CATSPERB: variants seen among roughly 807,000 people sequenced by gnomAD.
CATSPERB encodes catsper channel auxiliary subunit beta.
CATSPERB carries 93 observed loss-of-function variants against 128.3 expected under a neutral mutation model. The ratio of observed to expected loss-of-function variants is 0.72; its 90% confidence interval spans 0.61 to 0.86. CATSPERB has a LOEUF of 0.86. CATSPERB is among the 40% of genes least tolerant of loss of function. The pLI is 0.00. For missense variants in CATSPERB, 1,153 were observed against 1,329.5 expected (o/e 0.87, Z 2.06); for synonymous variants, 381 against 448.8 (o/e 0.85, Z 1.91).
intron 22 of CATSPERB, among the ~76,000 whole-genome samples, chr14:91,600,193 A>T (rs189123383): frequency 9.2e-5 from 14 of 152,332 alleles, no homozygotes; most frequent in African/African-American, 3.1e-4. Flanking sequence ...CACCAAACTG[A>T]TATCCATAAC....
At chr14:91,719,602 A>G (rs1895996541) in intron 4 of CATSPERB, 124 bp from the exon 5 acceptor site, 1 of 617,148 alleles carries the variant, frequency 1.6e-6, no homozygotes, top group Non-Finnish European at 2.7e-6. Flanking sequence ...TTTTACCTAG[A>G]AATTTCACTC....
intron 13 of CATSPERB, among the ~76,000 whole-genome samples, chr14:91,670,765 G>A (rs7144666): frequency 0.39 from 59,862 of 151,582 alleles, 11,919 homozygotes; most frequent in Middle Eastern, 0.54. Flanking sequence ...GCACTTTGGG[G>A]GGCCGAACTG....
chr14:91,723,783 T>C (rs1169163634), intron 3 of CATSPERB, among the ~76,000 whole-genome samples: 1 of 152,134 alleles, frequency 6.6e-6, no homozygotes, highest in East Asian at 1.9e-4. Flanking sequence ...GTGCTAGGAA[T>C]GTAGATGTGA....
chr14:91,730,437 G>C (rs1319696175), intron 1 of CATSPERB, among the ~76,000 whole-genome samples: 3 of 152,190 alleles, frequency 2.0e-5, no homozygotes, highest in Middle Eastern at 3.2e-3. Context: ...CTAGCCTCCA[G>C]AACTGTGAGA....
intron 18 of CATSPERB, 94 bp from the exon 19 acceptor site, chr14:91,622,031 G>T: frequency 2.6e-6 from 2 of 761,450 alleles, no homozygotes; most frequent in South Asian, 2.3e-5. Context: ...CACTGTTTGA[G>T]TTTTTAAACT....
chr14:91,598,684 C>T (rs1893553348), intron 22 of CATSPERB, among the ~76,000 whole-genome samples: 1 of 151,742 alleles, frequency 6.6e-6, no homozygotes, highest in Non-Finnish European at 1.5e-5. Flanking sequence ...TGGTGAAACC[C>T]CATCTCTACT....
At chr14:91,716,712 TACAC>T (rs34934524) in intron 5 of CATSPERB, among the ~76,000 whole-genome samples, 3,546 of 137,540 alleles carry the variant, frequency 0.026, 73 homozygotes, top group Middle Eastern at 0.059. Context: ...TTTACAAGCA[TACAC>T]ACACACACAC....
At chr14:91,708,872 T>G (rs1199163310) in intron 5 of CATSPERB, among the ~76,000 whole-genome samples, 1 of 152,252 alleles carries the variant, frequency 6.6e-6, no homozygotes, top group Non-Finnish European at 1.5e-5. Flanking sequence ...AAACTTATTT[T>G]AAATGCAAAA....
At chr14:91,721,718 C>T (rs1489948104) in intron 4 of CATSPERB, among the ~76,000 whole-genome samples, 4 of 151,894 alleles carry the variant, frequency 2.6e-5, no homozygotes, top group Admixed American at 6.6e-5. Context: ...GGTTTGGTGG[C>T]GGATGCCTGT....
At chr14:91,606,751 G>A (rs35061534) in intron 22 of CATSPERB, among the ~76,000 whole-genome samples, 1 of 152,096 alleles carries the variant, frequency 6.6e-6, no homozygotes, top group African/African-American at 2.4e-5. Flanking sequence ...TGTATCTTCA[G>A]AAAATGTCTG....
chr14:91,668,062 T>C (rs1158720590), intron 14 of CATSPERB, among the ~76,000 whole-genome samples: 2 of 152,168 alleles, frequency 1.3e-5, no homozygotes, highest in African/African-American at 4.8e-5. Flanking sequence ...AGTTCCCCTC[T>C]GGAGGACACT....
chr14:91,664,674 C>T (rs1894948649), intron 14 of CATSPERB, among the ~76,000 whole-genome samples: 1 of 152,188 alleles, frequency 6.6e-6, no homozygotes, highest in Non-Finnish European at 1.5e-5. Context: ...GTACAACCCT[C>T]ACATCCAACT....
chr14:91,711,854 C>T (rs1895845372), intron 5 of CATSPERB, among the ~76,000 whole-genome samples: 1 of 152,148 alleles, frequency 6.6e-6, no homozygotes, highest in East Asian at 1.9e-4. Context: ...AATTAAATTG[C>T]TATCACATGA....
At chr14:91,655,716 A>C in intron 15 of CATSPERB, among the ~76,000 whole-genome samples, 1 of 152,220 alleles carries the variant, frequency 6.6e-6, no homozygotes, top group East Asian at 1.9e-4. Flanking sequence ...CAAAAGGGCA[A>C]ATCTAAGAGT....
chr14:91,647,186 T>TC (rs1765385268), intron 15 of CATSPERB, among the ~76,000 whole-genome samples: 1 of 152,222 alleles, frequency 6.6e-6, no homozygotes, highest in African/African-American at 2.4e-5. Flanking sequence ...TCTCTCTTTT[T>TC]CTTTTCCTAC....
At chr14:91,668,911 G>A (rs764506505) in intron 14 of CATSPERB, among the ~76,000 whole-genome samples, 2 of 152,184 alleles carry the variant, frequency 1.3e-5, no homozygotes, top group African/African-American at 2.4e-5. Context: ...GCGAGGGTCC[G>A]CAGATTCATT....
At chr14:91,728,941 A>G (rs1192550598) in intron 2 of CATSPERB, among the ~76,000 whole-genome samples, 1 of 152,232 alleles carries the variant, frequency 6.6e-6, no homozygotes, top group Non-Finnish European at 1.5e-5. Context: ...CCACAGTTTC[A>G]GTTACCTGTA....
intron 14 of CATSPERB, among the ~76,000 whole-genome samples, chr14:91,662,760 C>A (rs115138074): frequency 6.6e-6 from 1 of 152,304 alleles, no homozygotes; most frequent in African/African-American, 2.4e-5. Context: ...ATGATATCGT[C>A]GTTCATTCCT....
chr14:91,702,004 G>A (rs1336523487), intron 7 of CATSPERB, among the ~76,000 whole-genome samples: 1 of 152,100 alleles, frequency 6.6e-6, no homozygotes, highest in African/African-American at 2.4e-5. Context: ...ACCAGTTGGG[G>A]AAAAGGTGCT....
Sources: gnomAD v4.1 joint callset for allele counts (sites outside exome capture counted in the v4.1 genomes callset) on GRCh38, gnomAD v4.1.1 for gene constraint, MANE v1.5 for transcripts, NCBI Gene and HGNC (gene_info 2026-07-23, HGNC 2026-07-21) for gene names.